Variants in PCDHA12 observed in about 807,000 individuals in gnomAD.
The protein encoded by PCDHA12 is protocadherin alpha-12.
In PCDHA12, 44 loss-of-function variants were observed where a neutral mutation model predicts 60.0. That is an observed-to-expected ratio of 0.73 (90% CI 0.58 to 0.94). The LOEUF (loss-of-function observed/expected upper bound fraction) is 0.94, where lower values mean the gene tolerates loss of function less well. Ranked by LOEUF, PCDHA12 falls within the 40% of genes least tolerant of loss-of-function variation. The pLI is 0.00. For missense variants in PCDHA12, 1,276 were observed against 1,239.7 expected, an observed-to-expected ratio of 1.03 and a Z score of -0.44; for synonymous variants, 569 against 553.0, an observed-to-expected ratio of 1.03 and a Z score of -0.40.
At chr5:140,894,184 A>T (rs1411546476) in intron 1 of PCDHA12, among the ~76,000 whole-genome samples, 13 of 152,046 alleles carry the variant, frequency 8.6e-5, no homozygotes, top group African/African-American at 3.1e-4. Context: ...TTCCATAGTT[A>T]TATATTTTTT....
intron 1 of PCDHA12, among the ~76,000 whole-genome samples, chr5:140,925,206 G>A (rs576558414): frequency 1.3e-5 from 2 of 152,234 alleles, no homozygotes; most frequent in South Asian, 2.1e-4. Context: ...AATAATTATC[G>A]ATACTTTTAG....
intron 2 of PCDHA12, among the ~76,000 whole-genome samples, chr5:140,980,413 T>C (rs1218867656): frequency 6.6e-6 from 1 of 152,086 alleles, no homozygotes; most frequent in Admixed American, 6.6e-5. Context: ...GGGCAGATCA[T>C]GAGGTCAAGA....
At chr5:140,928,034 G>A in intron 1 of PCDHA12, 1 of 1,614,206 alleles carries the variant, frequency 6.2e-7, no homozygotes, top group South Asian at 1.1e-5. Flanking sequence ...GGCATGTCTA[G>A]TGCAGGCCCT....
intron 1 of PCDHA12, among the ~76,000 whole-genome samples, chr5:140,943,885 T>C (rs762067236): frequency 6.6e-5 from 10 of 152,242 alleles, no homozygotes; most frequent in Non-Finnish European, 1.2e-4. Flanking sequence ...TTCATTGGAC[T>C]GGTCATTATG....
At chr5:140,938,805 A>G (rs367644327) in intron 1 of PCDHA12, among the ~76,000 whole-genome samples, 3 of 152,162 alleles carry the variant, frequency 2.0e-5, no homozygotes, top group East Asian at 3.9e-4. Context: ...TCGGTACCAC[A>G]AACCCCTGTG....
intron 1 of PCDHA12, among the ~76,000 whole-genome samples, chr5:140,922,848 C>T (rs1345344826): frequency 2.6e-5 from 4 of 151,962 alleles, no homozygotes; most frequent in African/African-American, 9.7e-5. Flanking sequence ...TCAAAGAGAC[C>T]AAATACATAG....
intron 1 of PCDHA12, chr5:140,968,016 A>G: frequency 6.2e-7 from 1 of 1,613,240 alleles, no homozygotes; most frequent in Non-Finnish European, 8.5e-7. Flanking sequence ...GGCTTTGGAA[A>G]CTCCTATACA....
chr5:140,952,028 T>C (rs2094677235), intron 1 of PCDHA12, among the ~76,000 whole-genome samples: 1 of 152,164 alleles, frequency 6.6e-6, no homozygotes, highest in Non-Finnish European at 1.5e-5. Flanking sequence ...AAGTCCGAAA[T>C]CCAGTAGGGC....
intron 1 of PCDHA12, among the ~76,000 whole-genome samples, chr5:140,942,347 G>T (rs2093273719): frequency 6.6e-6 from 1 of 151,956 alleles, no homozygotes; most frequent in Non-Finnish European, 1.5e-5. Flanking sequence ...GGGAGGCGGA[G>T]GTTGCAGTTA....
Position 140,978,973 on chromosome 5 carries a change from C to T in PCDHA12, c.2392C>T (p.Arg798Cys), listed in dbSNP as rs141879545. Residue 798 changes from arginine (R) to cysteine (C), a missense_variant, in exon 2 of 4, where the codon CGT becomes TGT. Transcript: ENST00000398631. ...GCCACGACAGCCCAACCCTGACTGG[C>T]GTTACTCTGCCTCCCTGAGAGCAGG... is the stretch of plus-strand genomic sequence containing the variant. ...SEPRQPNPDW[R>C]YSASLRAGMH... 1.5e-5 allele frequency: 24 copies of T among 1,614,060 alleles called. No individual in the cohort carries two copies. Among genetic ancestry groups the T allele is most frequent in the Middle Eastern group, 3.3e-4 (2 of 6,084 alleles).
At position 140,892,381 on chromosome 5, in the gene PCDHA12, G is replaced by A. The variant is rs534818455; in HGVS notation, c.2367+14542G>A. Among the ~76,000 whole-genome samples the A allele has an allele frequency of 2.6e-5, 4 of 152,070 alleles. No individual in the cohort carries two copies. The South Asian group carries it at 8.3e-4, about 32-fold the overall frequency. On this transcript the variant is annotated intron_variant, in intron 1 of 3. Coordinates refer to ENST00000398631, the MANE Select transcript of PCDHA12 (RefSeq NM_018903.4). ...GCATCTTGGGGCACTAGCAATCATG[G>A]GTAATCTTAATCTATTTCAAGCTTC...
chr5:140,941,202 C>CCTTCCTTT (rs1554213920), intron 1 of PCDHA12, among the ~76,000 whole-genome samples: 107 of 122,824 alleles, frequency 8.7e-4, no homozygotes, highest in Admixed American at 4.2e-3. Flanking sequence ...TTTCTTTCTT[C>CCTTCCTTT]CTTTCTTTCT....
intron 3 of PCDHA12, among the ~76,000 whole-genome samples, chr5:141,002,329 A>C (rs2098072323): frequency 6.6e-6 from 1 of 152,226 alleles, no homozygotes; most frequent in Non-Finnish European, 1.5e-5. Context: ...GCCGGGCTGC[A>C]TCCGCACCCC....
At chr5:140,925,556 T>C (rs1421287870) in intron 1 of PCDHA12, among the ~76,000 whole-genome samples, 2 of 151,752 alleles carry the variant, frequency 1.3e-5, no homozygotes, top group African/African-American at 4.8e-5. Flanking sequence ...AAATGACAAG[T>C]TAATGGGTGC....
chr5:140,886,844 A>AG lies in PCDHA12; in HGVS notation c.2367+9005_2367+9006insG, dbSNP rs1203919867. Among the ~76,000 whole-genome samples, 142 of 150,728 alleles carry AG rather than the reference A, an allele frequency of 9.4e-4. 2 individuals are homozygous for AG. Among genetic ancestry groups the AG allele is most frequent in the African/African-American group, 2.8e-3 (117 of 41,122 alleles). ...TTCGTCTTGAAAAAAAAAAAAAAAAAAAAGAAAGGTCTTCCCAACTCCTAT... is the reference window on the plus strand; with the variant it reads ...TTCGTCTTGAAAAAAAAAAAAAAAAAGAAAGAAAGGTCTTCCCAACTCCTAT... On this transcript the variant is annotated intron_variant, in intron 1 of 3. Coordinates refer to ENST00000398631, the MANE Select transcript of PCDHA12 (RefSeq NM_018903.4).
chr5:140,995,679 T>C (rs2153934903), intron 3 of PCDHA12, among the ~76,000 whole-genome samples: 1 of 152,322 alleles, frequency 6.6e-6, no homozygotes, highest in Non-Finnish European at 1.5e-5. Context: ...GCAGCATTTT[T>C]TTTAATTGTT....
intron 1 of PCDHA12, among the ~76,000 whole-genome samples, chr5:140,919,230 A>G (rs56002): frequency 0.32 from 48,085 of 151,928 alleles, 7,955 homozygotes; most frequent in East Asian, 0.53. Flanking sequence ...TTCTAGTAAC[A>G]CTTTTTGTCT....
chr5:140,916,561 G>A (rs1038683507), intron 1 of PCDHA12, among the ~76,000 whole-genome samples: 9 of 152,180 alleles, frequency 5.9e-5, no homozygotes, highest in African/African-American at 2.2e-4. Context: ...TTTGTCCAGG[G>A]TGTGTCTAGA....
chr5:140,998,321 G>A lies in PCDHA12; in HGVS notation c.2516-11306G>A, dbSNP rs79793895. On this transcript the variant is annotated intron_variant, in intron 3 of 3. Coordinates refer to ENST00000398631, the MANE Select transcript of PCDHA12 (RefSeq NM_018903.4). ...TTTAGTAAGGGCACCAGGATCTGAA[G>A]CAGGATTGTTTGACTTCTGAGTCTG... is the stretch of plus-strand genomic sequence containing the variant. 9.8e-3 allele frequency among the ~76,000 whole-genome samples: 1,493 copies of A among 152,278 alleles called. 32 individuals carry two copies. The highest frequency in any genetic ancestry group is 0.034 in the African/African-American group (1,408 of 41,548).
Sources: gnomAD v4.1 joint callset for allele counts (sites outside exome capture counted in the v4.1 genomes callset) on GRCh38, gnomAD v4.1.1 for gene constraint, MANE v1.5 for transcripts, NCBI Gene and HGNC (gene_info 2026-07-23, HGNC 2026-07-21) for gene names.